The following L3MBTL4 variants were observed in gnomAD, a reference collection of about 807,000 sequenced individuals.
The protein encoded by L3MBTL4 is L3MBTL histone methyl-lysine binding protein 4.
Under a neutral mutation model 84.5 loss-of-function variants are expected in L3MBTL4, and 70 were observed. That is an observed-to-expected ratio of 0.83 (90% CI 0.68 to 1.01). L3MBTL4 has a LOEUF of 1.01. L3MBTL4 is among the 50% of genes least tolerant of loss of function. The pLI, the probability that L3MBTL4 is intolerant of heterozygous loss-of-function variation, is 0.00. For synonymous variants in L3MBTL4, 274 were observed against 259.8 expected (o/e 1.05, Z -0.52); for missense variants, 715 against 754.8 (o/e 0.95, Z 0.62).
At chr18:6,035,662 G>A (rs1422574141) in intron 16 of L3MBTL4, among the ~76,000 whole-genome samples, 1 of 152,152 alleles carries the variant, frequency 6.6e-6, no homozygotes, top group Non-Finnish European at 1.5e-5. Context: ...GAACTTTAAA[G>A]TAGTTTTTTC....
rs189225131 is a variant in L3MBTL4 at position 6,225,721 on chromosome 18, C to A, written c.785-9886G>T. ...ATTGCAGTGAGCCAAGGTCGTGCCA[C>A]TGCACTCCAGCCTATCTAAAAAAAA... On this transcript the variant is annotated intron_variant, in intron 10 of 18. Transcript: ENST00000317931. Among the ~76,000 whole-genome samples, 49 of 147,856 alleles carry A rather than the reference C, an allele frequency of 3.3e-4. 1 individual carries two copies. The East Asian group carries it at 9.4e-3, about 28-fold the overall frequency.
chr18:6,331,870 A>G (rs970756489), intron 1 of L3MBTL4, among the ~76,000 whole-genome samples: 1 of 152,114 alleles, frequency 6.6e-6, no homozygotes, highest in Non-Finnish European at 1.5e-5. Context: ...AGCGCTAAAA[A>G]GTATCAAGGA....
At chr18:6,130,690 A>G (rs989505346) in intron 14 of L3MBTL4, among the ~76,000 whole-genome samples, 21 of 151,938 alleles carry the variant, frequency 1.4e-4, no homozygotes, top group Admixed American at 9.8e-4. Context: ...ACTCATTTGG[A>G]AAAAAAAATT....
chr18:6,344,970 G>A (rs2052803646), intron 1 of L3MBTL4, among the ~76,000 whole-genome samples: 1 of 152,034 alleles, frequency 6.6e-6, no homozygotes, highest in Non-Finnish European at 1.5e-5. Flanking sequence ...CATGGTACTA[G>A]AAGTCCTAGT....
At chr18:6,099,837 C>A (rs2058761984) in intron 14 of L3MBTL4, among the ~76,000 whole-genome samples, 1 of 151,610 alleles carries the variant, frequency 6.6e-6, no homozygotes, top group Non-Finnish European at 1.5e-5. Context: ...CAAAATAAAT[C>A]TATATATCTA....
intron 1 of L3MBTL4, chr18:6,395,386 G>C (rs341229): frequency 0.39 from 59,777 of 151,854 alleles, 12,106 homozygotes; most frequent in Middle Eastern, 0.57. Flanking sequence ...CCTGCTTCAC[G>C]AAATGTTCTG....
intron 12 of L3MBTL4, among the ~76,000 whole-genome samples, chr18:6,193,290 A>G (rs1009589481): frequency 1.3e-5 from 2 of 152,070 alleles, no homozygotes; most frequent in African/African-American, 4.8e-5. Context: ...CAACAGCTAA[A>G]ATAACCAAGC....
chr18:6,174,864 C>CAA (rs34787848), intron 12 of L3MBTL4, among the ~76,000 whole-genome samples: 632 of 58,360 alleles, frequency 0.011, 2 homozygotes, highest in African/African-American at 0.028. Context: ...GAAACTCTGT[C>CAA]AAAAAAAAAA....
intron 14 of L3MBTL4, among the ~76,000 whole-genome samples, chr18:6,116,717 C>T (rs1019877588): frequency 2.0e-5 from 3 of 152,112 alleles, no homozygotes; most frequent in African/African-American, 7.2e-5. Context: ...GAGATTTGGA[C>T]ATGATTAAGT....
intron 1 of L3MBTL4, among the ~76,000 whole-genome samples, chr18:6,387,232 C>G (rs960555662): frequency 6.6e-6 from 1 of 152,170 alleles, no homozygotes; most frequent in Non-Finnish European, 1.5e-5. Flanking sequence ...ACGCCTTCAC[C>G]TAAGGCTGTC....
At chr18:5,964,305 C>T (rs1162008988) in intron 17 of L3MBTL4, among the ~76,000 whole-genome samples, 2 of 152,340 alleles carry the variant, frequency 1.3e-5, no homozygotes, top group East Asian at 3.9e-4. Context: ...ACTTCCCCCA[C>T]GACCTACTTT....
At chr18:6,193,490 A>G (rs1170871845) in intron 12 of L3MBTL4, among the ~76,000 whole-genome samples, 2 of 152,242 alleles carry the variant, frequency 1.3e-5, no homozygotes, top group African/African-American at 2.4e-5. Flanking sequence ...CAGAGCAGCA[A>G]TATCCTCAGT....
intron 1 of L3MBTL4, among the ~76,000 whole-genome samples, chr18:6,351,158 T>C (rs1214209987): frequency 1.3e-5 from 2 of 152,142 alleles, no homozygotes; most frequent in Non-Finnish European, 2.9e-5. Context: ...ATCACGCCAC[T>C]GCACTCCAGC....
chr18:6,226,024 A>G (rs1015137765), intron 10 of L3MBTL4, among the ~76,000 whole-genome samples: 25 of 152,340 alleles, frequency 1.6e-4, no homozygotes, highest in African/African-American at 5.8e-4. Context: ...CCAGATGGAA[A>G]TTTGGATACA....
chr18:6,010,654 C>T (rs961702422), intron 16 of L3MBTL4, among the ~76,000 whole-genome samples: 28 of 152,170 alleles, frequency 1.8e-4, no homozygotes, highest in African/African-American at 6.0e-4. Context: ...CCCCGCAACC[C>T]GCTTTAACCC....
chr18:6,158,562 T>G (rs772430882), intron 13 of L3MBTL4, among the ~76,000 whole-genome samples: 7 of 152,230 alleles, frequency 4.6e-5, no homozygotes, highest in Admixed American at 1.3e-4. Context: ...TCCTCTCTTC[T>G]GTTTTCATTT....
At chr18:6,053,863 A>C (rs2056922108) in intron 16 of L3MBTL4, among the ~76,000 whole-genome samples, 1 of 152,220 alleles carries the variant, frequency 6.6e-6, no homozygotes, top group Admixed American at 6.5e-5. Flanking sequence ...CAGATGACCT[A>C]AATATGTGAA....
intron 1 of L3MBTL4, among the ~76,000 whole-genome samples, chr18:6,362,272 G>GA (rs1294581427): frequency 3.4e-4 from 49 of 146,182 alleles, no homozygotes; most frequent in African/African-American, 1.3e-3. Context: ...GAAAGGAAAA[G>GA]AAGAAAAAGA....
intron 16 of L3MBTL4, chr18:6,032,055 G>GTAA (rs2055831801): frequency 4.9e-6 from 1 of 204,352 alleles, no homozygotes; most frequent in Non-Finnish European, 9.2e-6. Flanking sequence ...TCAGGTCAGT[G>GTAA]TAATCTCTGC....
Sources: allele counts gnomAD v4.1 joint callset (sites outside exome capture counted in the v4.1 genomes callset), GRCh38; gene constraint gnomAD v4.1.1; transcripts MANE v1.5; gene names NCBI Gene and HGNC (gene_info 2026-07-23, HGNC 2026-07-21).